PDE10A: variants seen among roughly 807,000 people sequenced by gnomAD.
The protein encoded by PDE10A is cAMP and cAMP-inhibited cGMP 3',5'-cyclic phosphodiesterase 10A.
In PDE10A, 39 loss-of-function variants were observed where a neutral mutation model predicts 97.7. The observed-to-expected ratio is 0.40, with a 90% CI of 0.31 to 0.52. The LOEUF is 0.52. Ranked by LOEUF, PDE10A falls within the 20% of genes least tolerant of loss-of-function variation. The pLI, the probability that PDE10A is intolerant of heterozygous loss-of-function variation, is 0.56. For missense variants in PDE10A, 731 were observed against 1,047.8 expected, an observed-to-expected ratio of 0.70 and a Z score of 4.17; for synonymous variants, 371 against 376.8, an observed-to-expected ratio of 0.98 and a Z score of 0.18.
chr6:165,444,701 A>T (rs1790713801), intron 5 of PDE10A, among the ~76,000 whole-genome samples: 1 of 151,954 alleles, frequency 6.6e-6, no homozygotes, highest in South Asian at 2.1e-4. Flanking sequence ...TCTTCTGCTA[A>T]ATGTTCTATG....
intron 1 of PDE10A, among the ~76,000 whole-genome samples, chr6:165,943,831 G>T (rs1783667279): frequency 6.6e-6 from 1 of 152,174 alleles, no homozygotes; most frequent in Admixed American, 6.5e-5. Flanking sequence ...ACCCAGTCAA[G>T]ATGGCACCTA....
intron 1 of PDE10A, among the ~76,000 whole-genome samples, chr6:165,700,893 A>T (rs1791554936): frequency 6.6e-6 from 1 of 152,214 alleles, no homozygotes; most frequent in South Asian, 2.1e-4. Flanking sequence ...AGCCATTTGA[A>T]GTGTTTATTG....
chr6:165,966,138 C>T (rs1009692021), intron 1 of PDE10A, among the ~76,000 whole-genome samples: 4 of 152,134 alleles, frequency 2.6e-5, no homozygotes, highest in African/African-American at 4.8e-5. Flanking sequence ...AATGCCTCCT[C>T]GAAAACCAAG....
intron 1 of PDE10A, among the ~76,000 whole-genome samples, chr6:165,856,236 C>T (rs1780728651): frequency 6.6e-6 from 1 of 152,146 alleles, no homozygotes; most frequent in Non-Finnish European, 1.5e-5. Flanking sequence ...TTCAAGCTCC[C>T]AGGTATTTCT....
Position 165,331,781 on chromosome 6 carries a change from A to G in PDE10A, c.*1244T>C, listed in dbSNP as rs1781355354. ...TTACATTGTATAGTAATACTGGTCA[A>G]CCAAAAAGGTGTATAGAAGAAACCA... On this transcript the variant is annotated 3_prime_UTR_variant, in exon 22 of 22. Coordinates refer to ENST00000539869, the MANE Select transcript of PDE10A (RefSeq NM_001385079.1). The G allele has an allele frequency of 6.6e-6, 1 of 152,224 alleles. No individual in the cohort carries two copies. The highest frequency in any genetic ancestry group is 6.5e-5 in the Admixed American group (1 of 15,290). 9.4% of individuals were successfully genotyped at this position (152,224 alleles called of 1,614,324 possible).
chr6:165,649,122 G>A (rs1789552236), intron 1 of PDE10A, among the ~76,000 whole-genome samples: 1 of 152,218 alleles, frequency 6.6e-6, no homozygotes, highest in Admixed American at 6.5e-5. Context: ...GTTACCTGAA[G>A]AGATCTCACG....
chr6:165,703,283 A>G (rs1052714501), intron 1 of PDE10A, among the ~76,000 whole-genome samples: 2 of 152,196 alleles, frequency 1.3e-5, no homozygotes, highest in Non-Finnish European at 2.9e-5. Flanking sequence ...GAGAAGGACC[A>G]TCTCAGGCCC....
At chr6:165,741,700 A>G (rs1472644747) in intron 1 of PDE10A, among the ~76,000 whole-genome samples, 1 of 152,236 alleles carries the variant, frequency 6.6e-6, no homozygotes, top group Admixed American at 6.5e-5. Context: ...TAAAATATGC[A>G]TGCCAATGAA....
At chr6:165,877,669 A>G (rs571729732) in intron 1 of PDE10A, among the ~76,000 whole-genome samples, 3 of 152,202 alleles carry the variant, frequency 2.0e-5, no homozygotes, top group Non-Finnish European at 4.4e-5. Context: ...GGGATACTTA[A>G]AAAAATCTTA....
chr6:165,624,148 T>C (rs1788276507), intron 1 of PDE10A, among the ~76,000 whole-genome samples: 1 of 152,202 alleles, frequency 6.6e-6, no homozygotes, highest in African/African-American at 2.4e-5. Context: ...GTCATATCCA[T>C]CCACCTCTCA....
chr6:165,451,878 G>C (rs1475973933), intron 3 of PDE10A, among the ~76,000 whole-genome samples: 48 of 152,184 alleles, frequency 3.2e-4, no homozygotes, highest in East Asian at 1.9e-4. Context: ...TTTTATATGA[G>C]AGCACCTACT....
intron 18 of PDE10A, among the ~76,000 whole-genome samples, chr6:165,365,683 G>C (rs144875950): frequency 6.6e-6 from 1 of 152,290 alleles, no homozygotes; most frequent in African/African-American, 2.4e-5. Flanking sequence ...TTGTGCCACT[G>C]TACTTAAGCC....
chr6:165,986,785 A>AG (rs1243546040), intron 1 of PDE10A, among the ~76,000 whole-genome samples: 1 of 115,328 alleles, frequency 8.7e-6, no homozygotes, highest in Non-Finnish European at 1.8e-5. Flanking sequence ...GCTTGGGGGG[A>AG]GGGGGGACGG....
At chr6:165,913,928 T>C (rs1010724820) in intron 1 of PDE10A, among the ~76,000 whole-genome samples, 4 of 152,240 alleles carry the variant, frequency 2.6e-5, no homozygotes, top group African/African-American at 9.6e-5. Flanking sequence ...AACTCTGACT[T>C]CACGCGGCCT....
chr6:165,607,236 C>T (rs1239055739), intron 1 of PDE10A, among the ~76,000 whole-genome samples: 2 of 152,162 alleles, frequency 1.3e-5, no homozygotes, highest in Non-Finnish European at 2.9e-5. Context: ...ATTTGGACAG[C>T]AATGCTTTAG....
intron 1 of PDE10A, among the ~76,000 whole-genome samples, chr6:165,971,640 A>G (rs1297492550): frequency 6.6e-6 from 1 of 152,196 alleles, no homozygotes; most frequent in Non-Finnish European, 1.5e-5. Context: ...TTTACTGAAG[A>G]TGGGAGAAAA....
chr6:165,727,646 G>T (rs1465767690), intron 1 of PDE10A, among the ~76,000 whole-genome samples: 1 of 152,172 alleles, frequency 6.6e-6, no homozygotes, highest in African/African-American at 2.4e-5. Context: ...GAAATTTGCA[G>T]GGAGTAGATA....
intron 1 of PDE10A, among the ~76,000 whole-genome samples, chr6:165,742,786 TCCACCCCCTACGTC>T (rs983393993): frequency 6.6e-6 from 1 of 152,074 alleles, no homozygotes; most frequent in African/African-American, 2.4e-5. Flanking sequence ...GCTGTGCTCT[TCCACCCCCTACGTC>T]CCACTGCTGA....
chr6:165,490,892 C>A (rs1461294287), intron 2 of PDE10A, among the ~76,000 whole-genome samples: 1 of 152,056 alleles, frequency 6.6e-6, no homozygotes. Context: ...GAAGTAGAGG[C>A]CGCAGTGAGC....
Sources: gnomAD v4.1 joint callset for allele counts (sites outside exome capture counted in the v4.1 genomes callset) on GRCh38, gnomAD v4.1.1 for gene constraint, MANE v1.5 for transcripts, NCBI Gene and HGNC (gene_info 2026-07-23, HGNC 2026-07-21) for gene names.